ALDH1L2: variants seen among roughly 807,000 people sequenced by gnomAD.
ALDH1L2 encodes the protein mitochondrial 10-formyltetrahydrofolate dehydrogenase.
Under a neutral mutation model 111.0 loss-of-function variants are expected in ALDH1L2, and 91 were observed. The ratio of observed to expected loss-of-function variants is 0.82; its 90% CI spans 0.69 to 0.98. The LOEUF is 0.98. ALDH1L2 is among the 50% of genes least tolerant of loss of function. The probability of loss-of-function intolerance (pLI) is 0.00; values close to 1 mark genes in which losing one functional copy is unlikely to be tolerated. For synonymous variants in ALDH1L2, 374 were observed against 392.6 expected (o/e 0.95, Z 0.56); for missense variants, 995 against 1,126.8 (o/e 0.88, Z 1.67).
intron 15 of ALDH1L2, among the ~76,000 whole-genome samples, chr12:105,043,835 A>G (rs1288564430): frequency 6.6e-6 from 1 of 152,178 alleles, no homozygotes; most frequent in Non-Finnish European, 1.5e-5. Flanking sequence ...ATTGCTAAAA[A>G]TGAGGTTAAT....
chr12:105,034,644 T>A (rs774624935), intron 18 of ALDH1L2, among the ~76,000 whole-genome samples: 3 of 152,164 alleles, frequency 2.0e-5, no homozygotes, highest in Non-Finnish European at 4.4e-5. Context: ...TTTAAAAAAA[T>A]GTATGTGTAA....
chr12:105,044,386 AC>A (rs11335532), intron 15 of ALDH1L2, among the ~76,000 whole-genome samples: 55,681 of 150,744 alleles, frequency 0.37, 10,512 homozygotes, highest in South Asian at 0.53. Context: ...TCCAACTCAG[AC>A]CAATTAAATC....
At chr12:105,070,026 A>G (rs1259161751) in intron 3 of ALDH1L2, among the ~76,000 whole-genome samples, 2 of 152,200 alleles carry the variant, frequency 1.3e-5, no homozygotes, top group African/African-American at 4.8e-5. Context: ...TCTATGCAAA[A>G]AAAAAGTTCT....
At chr12:105,061,869 A>T in intron 7 of ALDH1L2, 117 bp from the exon 8 acceptor site, 1 of 1,258,034 alleles carries the variant, frequency 7.9e-7, no homozygotes, top group Non-Finnish European at 1.1e-6. Context: ...ATTTGGAAAA[A>T]TACAGATTAA....
At chr12:105,066,132 T>G (rs2136098682) in intron 5 of ALDH1L2, among the ~76,000 whole-genome samples, 1 of 152,256 alleles carries the variant, frequency 6.6e-6, no homozygotes, top group East Asian at 1.9e-4. Flanking sequence ...ATGCCAGATT[T>G]TTTAAGGAAT....
chr12:105,074,691 G>A (rs1877945885), intron 1 of ALDH1L2, among the ~76,000 whole-genome samples: 1 of 152,010 alleles, frequency 6.6e-6, no homozygotes, highest in South Asian at 2.1e-4. Flanking sequence ...TTCTAAATTA[G>A]TAAAGCCTCA....
At chr12:105,081,409 A>C (rs1303716541) in intron 1 of ALDH1L2, among the ~76,000 whole-genome samples, 1 of 152,166 alleles carries the variant, frequency 6.6e-6, no homozygotes, top group Non-Finnish European at 1.5e-5. Flanking sequence ...GAAATAAAGC[A>C]GGTACTTGGT....
chr12:105,070,579 G>A lies in ALDH1L2; in HGVS notation c.419C>T (p.Ala140Val), dbSNP rs1174525965. The change falls in exon 3 of 23, where the codon GCT becomes GTT. Residue 140 changes from alanine to valine, a missense_variant. By Grantham distance (64) the Ala-to-Val change is moderately conservative. Coordinates refer to ENST00000258494, the MANE Select transcript of ALDH1L2 (RefSeq NM_001034173.4). ...SILPRHRGASAINWTLIMGDK... is the reference protein window; with the variant it reads ...SILPRHRGASVINWTLIMGDK... ...AAAGAAAAAATCTCACCAATTGATA[G>A]CAGAGGCTCCTCTGTGCCTGGGCAG... 2 of 1,608,668 alleles carry A rather than the reference G, an allele frequency of 1.2e-6. No homozygotes were observed. Among genetic ancestry groups the A allele is most frequent in the Non-Finnish European group, 8.5e-7 (1 of 1,177,414 alleles).
At chr12:105,042,265 A>C (rs1875583247) in intron 15 of ALDH1L2, among the ~76,000 whole-genome samples, 1 of 152,216 alleles carries the variant, frequency 6.6e-6, no homozygotes, top group Non-Finnish European at 1.5e-5. Flanking sequence ...TCCAAGAAAG[A>C]GAGACATGGC....
intron 13 of ALDH1L2, chr12:105,048,146 C>A (rs577264248): frequency 6.6e-6 from 1 of 152,292 alleles, no homozygotes; most frequent in South Asian, 2.1e-4. Context: ...TTTGTGCAAA[C>A]CTGCTATGTT....
intron 5 of ALDH1L2, among the ~76,000 whole-genome samples, chr12:105,066,066 A>C (rs1877335248): frequency 6.6e-6 from 1 of 152,108 alleles, no homozygotes; most frequent in Non-Finnish European, 1.5e-5. Flanking sequence ...CTCCTCCCTC[A>C]GCCTCCCAAA....
rs1876320234 is a variant in ALDH1L2 at position 105,052,136 on chromosome 12, C to G, written c.1489G>C (p.Glu497Gln). Residue 497 changes from glutamate (E) to glutamine (Q), a missense_variant, in exon 12 of 23, where the codon GAA (glutamate) becomes CAA (glutamine). Physicochemically the swap from Glu to Gln is conservative, Grantham distance 29. Transcript: ENST00000258494. ...AAAKDAFENGEWGRMNARERG... is the reference protein window; with the variant it reads ...AAAKDAFENGQWGRMNARERG... ...TCTCTTGCATTCATTCTTCCCCATT[C>G]ACCGTTTTCAAAAGCATCTTTTGCT... 6.2e-7 allele frequency: 1 copy of G among 1,611,698 alleles called. No homozygotes were observed. The highest frequency in any genetic ancestry group is 1.1e-5 in the South Asian group (1 of 90,694).
chr12:105,033,683 A>T (rs10861308), intron 19 of ALDH1L2, among the ~76,000 whole-genome samples: 85 of 152,062 alleles, frequency 5.6e-4, no homozygotes, highest in African/African-American at 1.8e-3. Flanking sequence ...ACTCCTATAG[A>T]TGACTTTTAG....
chr12:105,070,305 A>G (rs149251430), intron 3 of ALDH1L2, among the ~76,000 whole-genome samples: 62 of 152,304 alleles, frequency 4.1e-4, no homozygotes, highest in South Asian at 8.3e-4. Flanking sequence ...GTAGTAACCA[A>G]TCAGGACCTC....
Position 105,032,028 on chromosome 12 carries a change from T to C in ALDH1L2, c.2245-94A>G, listed in dbSNP as rs942350247. On this transcript the variant is annotated intron_variant, in intron 19 of 22. Coordinates refer to ENST00000258494, the MANE Select transcript of ALDH1L2 (RefSeq NM_001034173.4). ...GGTGTTATACTAAGGTGTTTATAGA[T>C]GTATTGTCATTTAGTCTTTACAATA... 1.2e-5 allele frequency: 17 copies of C among 1,369,668 alleles called. No individual in the cohort carries two copies. The South Asian group carries it at 2.1e-4, about 17-fold the overall frequency. 84.8% of individuals were successfully genotyped at this position (1,369,668 alleles called of 1,614,324 possible). A position where few individuals can be genotyped will look rare whatever the true frequency, so the allele number is the denominator to read the frequency against.
Position 105,046,980 on chromosome 12 carries a change from A to G in ALDH1L2, c.1687-11T>C. ...TGGAATAGTAGAACCCTAAAGAATG[A>G]GAAAAGTTGATACTTATTTTACTAA... On this transcript the variant is annotated splice_polypyrimidine_tract_variant and intron_variant, in intron 13 of 22. Transcript: ENST00000258494. The G allele has an allele frequency of 6.2e-7, 1 of 1,612,510 alleles. No individual in the cohort carries two copies. The highest frequency in any genetic ancestry group is 8.5e-7 in the Non-Finnish European group (1 of 1,178,572).
intron 4 of ALDH1L2, among the ~76,000 whole-genome samples, chr12:105,067,215 C>CAAAAAAAAA (rs11334156): frequency 1.0e-5 from 1 of 97,238 alleles, no homozygotes; most frequent in African/African-American, 4.1e-5. Flanking sequence ...GACTCTGTCT[C>CAAAAAAAAA]AAAAAAAAAA....
At chr12:105,052,742 T>G (rs1876365086) in intron 11 of ALDH1L2, 70 bp downstream of exon 11, 1 of 1,585,308 alleles carries the variant, frequency 6.3e-7, no homozygotes, top group African/African-American at 1.3e-5. Context: ...TAAGACTGCC[T>G]CTTTTACAAT....
chr12:105,066,523 G>A (rs771768925), intron 5 of ALDH1L2, 45 bp downstream of exon 5: 1 of 1,550,018 alleles, frequency 6.5e-7, no homozygotes, highest in South Asian at 1.1e-5. Context: ...GAAGGGTAGA[G>A]GGCCATGAAC....
Sources: allele counts gnomAD v4.1 joint callset (sites outside exome capture counted in the v4.1 genomes callset), GRCh38; gene constraint gnomAD v4.1.1; transcripts MANE v1.5; gene names NCBI Gene and HGNC (gene_info 2026-07-23, HGNC 2026-07-21).